Variants in GLB1 observed in about 807,000 individuals in gnomAD.
GLB1 encodes beta-galactosidase.
Under a neutral mutation model 74.0 loss-of-function variants are expected in GLB1, and 56 were observed. The observed-to-expected ratio is 0.76, with a 90% CI of 0.61 to 0.94. The LOEUF (loss-of-function observed/expected upper bound fraction) is 0.94. Among genes scored for constraint, GLB1 ranks in the 40% least tolerant of loss-of-function variants. The probability of loss-of-function intolerance (pLI) is 0.00; values close to 1 mark genes in which losing one functional copy is unlikely to be tolerated. For synonymous variants in GLB1, 323 were observed against 323.6 expected, an observed-to-expected ratio of 1.00 and a Z score of 0.02; for missense variants, 787 against 845.5, an observed-to-expected ratio of 0.93 and a Z score of 0.86.
At chr3:33,056,404 T>TTG (rs143885267) in intron 6 of GLB1, among the ~76,000 whole-genome samples, 3 of 151,684 alleles carry the variant, frequency 2.0e-5, no homozygotes, top group African/African-American at 4.8e-5. Context: ...CTGGTCTTTT[T>TTG]TGTGTGTGTG....
the GLB1 span, among the ~76,000 whole-genome samples, chr3:32,967,944 T>A: frequency 2.0e-5 from 3 of 151,928 alleles, no homozygotes; most frequent in African/African-American, 7.3e-5. Context: ...GCCTGTCCCA[T>A]AAGGACAAAG....
At chr3:33,011,472 AT>A (rs201559544) in intron 15 of GLB1, among the ~76,000 whole-genome samples, 3 of 150,614 alleles carry the variant, frequency 2.0e-5, no homozygotes, top group Admixed American at 6.6e-5. Flanking sequence ...AAAATAAAAA[AT>A]AAAATAAAAA....
chr3:33,095,305 C>G (rs1476116168), intron 1 of GLB1, among the ~76,000 whole-genome samples: 1 of 151,032 alleles, frequency 6.6e-6, no homozygotes, highest in Non-Finnish European at 1.5e-5. Context: ...GTCACGAGGT[C>G]AGGAGATCGA....
At position 33,013,919 on chromosome 3, in the gene GLB1, C is replaced by T. The variant is rs930071500; in HGVS notation, c.1734+137G>A. The stretch of plus-strand genomic sequence containing the variant: ...TCCCTGAAGATCTGCCACAATCCGC[C>T]TCCTGAAGAATGTCCGAAACGCCAC... On this transcript the variant is annotated intron_variant, in intron 15 of 15. Transcript: ENST00000307363. 2.1e-5 allele frequency: 31 copies of T among 1,496,416 alleles called. No homozygotes were observed. In the African/African-American group the frequency reaches 4.0e-4, roughly 19 times the overall value. The allele number at this position is 1,496,416 out of a possible 1,614,324, so 92.7% of individuals were successfully genotyped here.
chr3:33,091,563 T>C, intron 1 of GLB1: 5 of 985,512 alleles, frequency 5.1e-6, no homozygotes, highest in Non-Finnish European at 6.0e-6. Flanking sequence ...GAGTGTTTAC[T>C]GTGCACGCTG....
At chr3:33,087,718 T>C (rs1700579314) in intron 1 of GLB1, among the ~76,000 whole-genome samples, 1 of 151,936 alleles carries the variant, frequency 6.6e-6, no homozygotes, top group South Asian at 2.1e-4. Flanking sequence ...CCTGAAACTA[T>C]TACAAAAGTT....
At chr3:33,084,237 G>C (rs1331033189) in intron 1 of GLB1, among the ~76,000 whole-genome samples, 1 of 152,186 alleles carries the variant, frequency 6.6e-6, no homozygotes. Flanking sequence ...AGAGGCAAGG[G>C]GAGAGGGAAG....
intron 12 of GLB1, among the ~76,000 whole-genome samples, chr3:33,019,520 C>T (rs1697381458): frequency 1.3e-5 from 2 of 152,066 alleles, no homozygotes; most frequent in Admixed American, 1.3e-4. Flanking sequence ...AGAAAGTAAA[C>T]TTCAGGCAAG....
chr3:32,977,079 A>G, the GLB1 span, among the ~76,000 whole-genome samples: 1 of 152,108 alleles, frequency 6.6e-6, no homozygotes, highest in Non-Finnish European at 1.5e-5. Flanking sequence ...GGATGGTGAG[A>G]TCGTTCATGA....
chr3:33,064,497 C>A (rs1202924147), intron 5 of GLB1, among the ~76,000 whole-genome samples: 2 of 147,610 alleles, frequency 1.4e-5, no homozygotes, highest in African/African-American at 5.0e-5. Flanking sequence ...TTGGTCATAG[C>A]CGGGCACGGT....
chr3:33,093,016 C>A lies in GLB1; in HGVS notation c.75+3995G>T. Reference sequence around the variant, plus strand: ...ACGTTCAAGGGGAAGATCTGCCCAGCATGTGTGTGCCCAGAAAGGATCAGG... The same window carrying A: ...ACGTTCAAGGGGAAGATCTGCCCAGAATGTGTGTGCCCAGAAAGGATCAGG... On this transcript the variant is annotated intron_variant, in intron 1 of 15. Transcript: ENST00000307363. This position sits in a 1 kb window ranked among gnomAD's most constrained non-coding sequence, Gnocchi z 6.0. The A allele has an allele frequency of 6.2e-7, 1 of 1,614,226 alleles. No individual in the cohort carries two copies. Among genetic ancestry groups the A allele is most frequent in the Non-Finnish European group, 8.5e-7 (1 of 1,180,042 alleles).
chr3:33,068,338 G>A, intron 3 of GLB1, 48 bp from the exon 4 acceptor site: 2 of 1,610,846 alleles, frequency 1.2e-6, no homozygotes. Flanking sequence ...CGTGAAGGGT[G>A]CTCAGAGGAG....
intron 10 of GLB1, among the ~76,000 whole-genome samples, chr3:33,039,951 T>C (rs1340591688): frequency 6.6e-6 from 1 of 152,178 alleles, no homozygotes; most frequent in Non-Finnish European, 1.5e-5. Context: ...AGGTCATACA[T>C]ACAAATATGG....
chr3:33,024,502 C>A, intron 10 of GLB1, 177 bp from the exon 11 acceptor site: 1 of 643,786 alleles, frequency 1.6e-6, no homozygotes, highest in South Asian at 2.0e-5. Flanking sequence ...AATTTTTTAC[C>A]TCTAAGTGTA....
At chr3:33,038,259 T>C (rs1343001573) in intron 10 of GLB1, among the ~76,000 whole-genome samples, 1 of 152,184 alleles carries the variant, frequency 6.6e-6, no homozygotes, top group African/African-American at 2.4e-5. Flanking sequence ...ATTGTAAGAC[T>C]GGTGTTGAAT....
chr3:33,039,525 A>C (rs896884139), intron 10 of GLB1, among the ~76,000 whole-genome samples: 5 of 152,194 alleles, frequency 3.3e-5, no homozygotes, highest in African/African-American at 1.2e-4. Context: ...AGACAGTTGA[A>C]AAGAGGATTA....
rs772383050 is a variant in GLB1, at chr3:33,068,995, C to T, written c.246-25G>A. On this transcript the variant is annotated intron_variant, in intron 2 of 15. Coordinates refer to ENST00000307363, the MANE Select transcript of GLB1 (RefSeq NM_000404.4). ...CCTGCCAAGACACACACAGCCCCTT[C>T]CTGGATACTTGGCAGAGTCAAGAAG... 9.3e-6 allele frequency: 15 copies of T among 1,614,122 alleles called. No homozygotes were observed. The South Asian group carries it at 1.5e-4, about 17-fold the overall frequency.
intron 1 of GLB1, chr3:33,091,484 A>G (rs1700759829): frequency 5.1e-6 from 5 of 985,446 alleles, no homozygotes; most frequent in South Asian, 9.4e-5. Flanking sequence ...TGCTCCATGA[A>G]TCCTCTGGGC....
chr3:33,090,643 T>C, intron 1 of GLB1: 2 of 985,428 alleles, frequency 2.0e-6, no homozygotes, highest in Non-Finnish European at 2.4e-6. Flanking sequence ...GGTTTAAGAA[T>C]GTTGAACAAA....
Sources: allele counts gnomAD v4.1 joint callset (sites outside exome capture counted in the v4.1 genomes callset), GRCh38; gene constraint gnomAD v4.1.1; non-coding constraint Gnocchi (gnomAD v3.1); transcripts MANE v1.5; gene names NCBI Gene and HGNC (gene_info 2026-07-23, HGNC 2026-07-21).